Variants in ADCYAP1R1 observed in about 807,000 individuals in gnomAD.
ADCYAP1R1 encodes the protein pituitary adenylate cyclase-activating polypeptide type I receptor.
A neutral mutation model predicts 67.6 loss-of-function variants in ADCYAP1R1; 44 were observed. The observed-to-expected ratio is 0.65, with a 90% CI of 0.51 to 0.84. The LOEUF is 0.84. Among genes scored for constraint, ADCYAP1R1 ranks in the 40% least tolerant of loss-of-function variants. The pLI, the probability that ADCYAP1R1 is intolerant of heterozygous loss-of-function variation, is 0.00. For missense variants in ADCYAP1R1, 477 were observed against 587.9 expected (o/e 0.81, Z 1.95); for synonymous variants, 222 against 219.6 (o/e 1.01, Z -0.10).
intron 13 of ADCYAP1R1, 55 bp from the exon 14 acceptor site, chr7:31,103,182 T>C: frequency 5.0e-6 from 8 of 1,596,018 alleles, no homozygotes; most frequent in Non-Finnish European, 5.1e-6. Flanking sequence ...CCTCCGTGGC[T>C]CTGGCCCCGA....
At chr7:31,055,530 A>T (rs1027891675) in intron 1 of ADCYAP1R1, among the ~76,000 whole-genome samples, 1 of 152,210 alleles carries the variant, frequency 6.6e-6, no homozygotes, top group East Asian at 1.9e-4. Context: ...GTTCTGATAC[A>T]TTTTATTTAT....
intron 8 of ADCYAP1R1, 41 bp downstream of exon 8, chr7:31,084,875 C>T: frequency 6.3e-7 from 1 of 1,577,806 alleles, no homozygotes; most frequent in Non-Finnish European, 8.7e-7. Flanking sequence ...CCAGAGCTGG[C>T]CAGGGCCTCA....
At chr7:31,082,256 G>T (rs551286442) in intron 6 of ADCYAP1R1, among the ~76,000 whole-genome samples, 1 of 152,314 alleles carries the variant, frequency 6.6e-6, no homozygotes, top group African/African-American at 2.4e-5. Flanking sequence ...TCGTGTTCCT[G>T]TGCAGTTACT....
intron 3 of ADCYAP1R1, among the ~76,000 whole-genome samples, chr7:31,068,219 A>G (rs919730793): frequency 6.6e-5 from 10 of 151,806 alleles, no homozygotes; most frequent in African/African-American, 2.4e-4. Flanking sequence ...GCGCGCGCAC[A>G]CACACACACA....
chr7:31,063,383 G>GT, intron 2 of ADCYAP1R1, 68 bp downstream of exon 2: 5 of 1,573,920 alleles, frequency 3.2e-6, no homozygotes, highest in Non-Finnish European at 4.4e-6. Context: ...GAGAACTCAT[G>GT]TTTTTTCTGT....
chr7:31,090,769 G>A (rs571987454), intron 12 of ADCYAP1R1, among the ~76,000 whole-genome samples: 6 of 152,326 alleles, frequency 3.9e-5, no homozygotes, highest in African/African-American at 1.4e-4. Flanking sequence ...TTATGGCTGT[G>A]TAGTAGTCCA....
rs529222151 is a variant in ADCYAP1R1, at chr7:31,055,043, G to T, written c.-72+2365G>T. ...GAAACTCCTCAGCTGCGACGTGTTTGTACCGAGCTCTGGATGCCGTCAGAG... is the reference window on the plus strand; with the variant it reads ...GAAACTCCTCAGCTGCGACGTGTTTTTACCGAGCTCTGGATGCCGTCAGAG... On this transcript the variant is annotated intron_variant, in intron 1 of 15. Transcript: ENST00000304166. Among the ~76,000 whole-genome samples, 7 of 152,324 alleles carry T rather than the reference G, an allele frequency of 4.6e-5. No homozygotes were observed. In the South Asian group the frequency reaches 1.5e-3, roughly 32 times the overall value.
chr7:31,085,505 TC>T, intron 9 of ADCYAP1R1, 63 bp downstream of exon 9: 1 of 1,544,170 alleles, frequency 6.5e-7, no homozygotes, highest in Non-Finnish European at 8.7e-7. Flanking sequence ...TCCCCTTGGT[TC>T]CCCAGGACGC....
chr7:31,090,730 T>C (rs1795932619), intron 12 of ADCYAP1R1, among the ~76,000 whole-genome samples: 1 of 152,244 alleles, frequency 6.6e-6, no homozygotes, highest in African/African-American at 2.4e-5. Flanking sequence ...TGTGTCCATG[T>C]TGCCGTAAAG....
intron 12 of ADCYAP1R1, among the ~76,000 whole-genome samples, chr7:31,089,628 A>G (rs1231079377): frequency 6.6e-6 from 1 of 152,152 alleles, no homozygotes; most frequent in African/African-American, 2.4e-5. Flanking sequence ...TCAAGAGTGG[A>G]ATTTCTGGGA....
At chr7:31,100,391 G>A (rs1410911730) in intron 13 of ADCYAP1R1, among the ~76,000 whole-genome samples, 1 of 151,790 alleles carries the variant, frequency 6.6e-6, no homozygotes. Context: ...TCGTGGTCAT[G>A]GGGTGGGTGG....
At chr7:31,085,231 C>T in intron 8 of ADCYAP1R1, 79 bp from the exon 9 acceptor site, 1 of 1,542,804 alleles carries the variant, frequency 6.5e-7, no homozygotes, top group East Asian at 2.3e-5. Flanking sequence ...ACAGAGTTGG[C>T]CCACCACAGA....
chr7:31,078,217 C>T (rs531193734), intron 4 of ADCYAP1R1, 119 bp downstream of exon 4: 16 of 710,240 alleles, frequency 2.3e-5, no homozygotes, highest in Non-Finnish European at 3.7e-5. Context: ...TGCTCCTGAG[C>T]TCACATGTGG....
At chr7:31,104,940 G>A in intron 15 of ADCYAP1R1, 31 bp downstream of exon 15, 1 of 1,612,772 alleles carries the variant, frequency 6.2e-7, no homozygotes, top group Non-Finnish European at 8.5e-7. Context: ...CTTCTTGGCA[G>A]TGGAAGTGGG....
At chr7:31,084,278 G>C (rs1482051484) in intron 7 of ADCYAP1R1, 28 bp downstream of exon 7, 8 of 1,595,774 alleles carry the variant, frequency 5.0e-6, no homozygotes, top group Non-Finnish European at 6.9e-6. Context: ...GCTCCCCAGA[G>C]GTGGTGAGGG....
At chr7:31,066,551 A>G in intron 3 of ADCYAP1R1, among the ~76,000 whole-genome samples, 1 of 150,538 alleles carries the variant, frequency 6.6e-6, no homozygotes, top group Non-Finnish European at 1.5e-5. Context: ...CAGGAGAGGA[A>G]GAGATGAGTT....
At chr7:31,096,493 A>T (rs1183982977) in intron 13 of ADCYAP1R1, among the ~76,000 whole-genome samples, 2 of 152,192 alleles carry the variant, frequency 1.3e-5, no homozygotes, top group East Asian at 3.9e-4. Flanking sequence ...AGTAGGGACT[A>T]GTTACCCTCA....
In ADCYAP1R1 at chr7:31,098,638, G is replaced by T. The variant is rs114626397; in HGVS notation, c.1047-4599G>T. 2.8e-3 allele frequency among the ~76,000 whole-genome samples: 419 copies of T among 147,258 alleles called. 1 individual carries two copies. The highest frequency in any genetic ancestry group is 9.7e-3 in the African/African-American group (391 of 40,494). On this transcript the variant is annotated intron_variant, in intron 13 of 15. Transcript: ENST00000304166. ...TGTAGTGCCCACCTCACAGTGTGGT[G>T]TGAATTGAATGGTGCTGTTTGTTGA...
In ADCYAP1R1 at chr7:31,084,124, T is replaced by C; in HGVS notation, c.329-17T>C. Reference sequence around the variant, plus strand: ...TTAATCATTTCTGGGCCTCGCTGAGTTTTCTTTTTGCTGCAGACATGGGAG... The same window carrying C: ...TTAATCATTTCTGGGCCTCGCTGAGCTTTCTTTTTGCTGCAGACATGGGAG... On this transcript the variant is annotated splice_polypyrimidine_tract_variant and intron_variant, in intron 6 of 15. Transcript: ENST00000304166. The C allele has an allele frequency of 6.2e-7, 1 of 1,611,684 alleles. No individual in the cohort carries two copies. The highest frequency in any genetic ancestry group is 8.5e-7 in the Non-Finnish European group (1 of 1,178,028).
Sources: gnomAD v4.1 joint callset for allele counts (sites outside exome capture counted in the v4.1 genomes callset) on GRCh38, gnomAD v4.1.1 for gene constraint, MANE v1.5 for transcripts, NCBI Gene and HGNC (gene_info 2026-07-23, HGNC 2026-07-21) for gene names.